The following PEMT variants were observed in gnomAD, a reference collection of about 807,000 sequenced individuals.
PEMT encodes the protein phosphatidylethanolamine N-methyltransferase.
A neutral mutation model predicts 27.4 loss-of-function variants in PEMT; 23 were observed. The ratio of observed to expected loss-of-function variants is 0.84; its 90% CI spans 0.60 to 1.19. The LOEUF (loss-of-function observed/expected upper bound fraction) is 1.19, where lower values mean the gene tolerates loss of function less well. Among genes scored for constraint, PEMT ranks in the 50% most tolerant of loss-of-function variants. The pLI, the probability that PEMT is intolerant of heterozygous loss-of-function variation, is 0.00. For synonymous variants in PEMT, 137 were observed against 139.1 expected, an observed-to-expected ratio of 0.98 and a Z score of 0.11; for missense variants, 307 against 310.1, an observed-to-expected ratio of 0.99 and a Z score of 0.07.
intron 3 of PEMT, among the ~76,000 whole-genome samples, chr17:17,515,970 C>T (rs774315323): frequency 6.6e-6 from 1 of 152,202 alleles, no homozygotes; most frequent in Non-Finnish European, 1.5e-5. Flanking sequence ...CATCACTGCC[C>T]TCAGTGTCCC....
chr17:17,542,529 GAGC>G (rs1449749124), intron 2 of PEMT, among the ~76,000 whole-genome samples: 1 of 152,194 alleles, frequency 6.6e-6, no homozygotes, highest in African/African-American at 2.4e-5. Flanking sequence ...GCCATGGGGA[GAGC>G]AGGCTGAACC....
chr17:17,551,883 G>A (rs1909677834), intron 2 of PEMT, among the ~76,000 whole-genome samples: 2 of 152,090 alleles, frequency 1.3e-5, no homozygotes, highest in South Asian at 4.1e-4. Flanking sequence ...TTAAAGAGAC[G>A]ATACAAAAAA....
At chr17:17,586,284 GAAAGAAAA>G (rs1317198013) in intron 1 of PEMT, among the ~76,000 whole-genome samples, 1,369 of 72,386 alleles carry the variant, frequency 0.019, 19 homozygotes, top group African/African-American at 0.049. Flanking sequence ...AAGAAAGAAA[GAAAGAAAA>G]AAAAAAACGC....
At chr17:17,546,893 C>T (rs1320538672) in intron 2 of PEMT, among the ~76,000 whole-genome samples, 2 of 152,264 alleles carry the variant, frequency 1.3e-5, no homozygotes, top group Non-Finnish European at 2.9e-5. Flanking sequence ...CTGACCCTCT[C>T]CATTTAAAGG....
intron 2 of PEMT, among the ~76,000 whole-genome samples, chr17:17,546,596 T>C (rs1258480951): frequency 6.6e-6 from 1 of 151,866 alleles, no homozygotes; most frequent in Admixed American, 6.6e-5. Context: ...CTAGGAAGAG[T>C]GGCCTGGCCA....
At chr17:17,570,854 T>A (rs1046849766) in intron 2 of PEMT, 1 of 985,178 alleles carries the variant, frequency 1.0e-6, no homozygotes, top group Non-Finnish European at 1.2e-6. Flanking sequence ...TCCGCGAGGG[T>A]ACAGATCCGG....
intron 2 of PEMT, among the ~76,000 whole-genome samples, chr17:17,545,905 C>T (rs1234899540): frequency 1.3e-5 from 2 of 152,090 alleles, no homozygotes; most frequent in Non-Finnish European, 2.9e-5. Flanking sequence ...AAAAGTACCG[C>T]TCTGCCTGAA....
chr17:17,507,382 G>C, intron 5 of PEMT: 1 of 629,108 alleles, frequency 1.6e-6, no homozygotes, highest in Non-Finnish European at 2.8e-6. Context: ...GGCAGGGCTG[G>C]ATCGAGGTGA....
chr17:17,562,109 T>C (rs73298555), intron 2 of PEMT, among the ~76,000 whole-genome samples: 1 of 152,134 alleles, frequency 6.6e-6, no homozygotes, highest in Non-Finnish European at 1.5e-5. Flanking sequence ...TTTCCTGCCA[T>C]GATGCATCCA....
chr17:17,575,531 C>T (rs556756738), intron 2 of PEMT, among the ~76,000 whole-genome samples: 7 of 152,344 alleles, frequency 4.6e-5, no homozygotes, highest in African/African-American at 1.7e-4. Context: ...GCAGGCCAGG[C>T]AGTGGGAGGA....
chr17:17,522,208 T>A (rs1405668635), intron 3 of PEMT, 72 bp downstream of exon 3: 5 of 1,097,212 alleles, frequency 4.6e-6, no homozygotes, highest in Non-Finnish European at 6.9e-6. Flanking sequence ...TGGTGAGGGA[T>A]GAGGTACCAC....
At chr17:17,558,357 A>T (rs945983773) in intron 2 of PEMT, among the ~76,000 whole-genome samples, 11 of 151,936 alleles carry the variant, frequency 7.2e-5, no homozygotes, top group Non-Finnish European at 1.2e-4. Context: ...AAATACAAAA[A>T]ATTAGCTGGG....
chr17:17,554,661 GCT>G (rs200073877), intron 2 of PEMT, among the ~76,000 whole-genome samples: 4,216 of 151,984 alleles, frequency 0.028, 146 homozygotes, highest in African/African-American at 0.083. Context: ...TGTCTCCCAG[GCT>G]GGAGTGTAGT....
intron 1 of PEMT, among the ~76,000 whole-genome samples, chr17:17,589,053 G>A (rs57606281): frequency 1.3e-5 from 2 of 152,192 alleles, no homozygotes; most frequent in Non-Finnish European, 2.9e-5. Context: ...CTCCACCTAC[G>A]GGGTTCAAGT....
chr17:17,580,467 A>T (rs1911907008), intron 1 of PEMT, among the ~76,000 whole-genome samples: 1 of 151,078 alleles, frequency 6.6e-6, no homozygotes, highest in African/African-American at 2.4e-5. Context: ...ACAGAACGAG[A>T]CTCCGTCTCA....
At chr17:17,559,087 T>TC (rs916897411) in intron 2 of PEMT, among the ~76,000 whole-genome samples, 3 of 151,348 alleles carry the variant, frequency 2.0e-5, no homozygotes, top group Admixed American at 6.6e-5. Context: ...CTTCTTACGC[T>TC]CCCCCCCATT....
At chr17:17,506,188 C>A in intron 6 of PEMT, 39 bp downstream of exon 6, 1 of 1,448,340 alleles carries the variant, frequency 6.9e-7, no homozygotes, top group South Asian at 1.2e-5. Context: ...CAGGGCCAGT[C>A]GGGCAGCCAC....
At chr17:17,576,615 T>C (rs1311069696) in intron 2 of PEMT, among the ~76,000 whole-genome samples, 2 of 152,144 alleles carry the variant, frequency 1.3e-5, no homozygotes, top group East Asian at 1.9e-4. Context: ...GCCAGGCACA[T>C]GTGACCAATG....
intron 2 of PEMT, among the ~76,000 whole-genome samples, chr17:17,549,985 G>A (rs929064634): frequency 1.3e-5 from 2 of 152,214 alleles, no homozygotes; most frequent in East Asian, 1.9e-4. Context: ...CAGCAGGGAG[G>A]AGCATGAAAG....
Sources: allele counts gnomAD v4.1 joint callset (sites outside exome capture counted in the v4.1 genomes callset), GRCh38; gene constraint gnomAD v4.1.1; transcripts MANE v1.5; gene names NCBI Gene and HGNC (gene_info 2026-07-23, HGNC 2026-07-21).